Variants in GAK observed in about 807,000 individuals in gnomAD.
GAK encodes the protein cyclin-G-associated kinase.
In GAK, 79 loss-of-function variants were observed where a neutral mutation model predicts 143.9. That is an observed-to-expected ratio of 0.55 (90% CI 0.46 to 0.66). The LOEUF (loss-of-function observed/expected upper bound fraction) is 0.66. Among genes scored for constraint, GAK ranks in the 30% least tolerant of loss-of-function variants. The pLI, the probability that GAK is intolerant of heterozygous loss-of-function variation, is 0.00. For synonymous variants in GAK, 881 were observed against 765.5 expected (o/e 1.15, Z -2.49); for missense variants, 1,693 against 1,779.7 (o/e 0.95, Z 0.88).
intron 8 of GAK, 126 bp downstream of exon 8, chr4:893,748 A>T: frequency 8.2e-7 from 1 of 1,213,744 alleles, no homozygotes; most frequent in East Asian, 2.8e-5. Context: ...GGATGTTGTC[A>T]AAACTATGGT....
At chr4:887,141 A>C (rs1293290834) in intron 11 of GAK, 1 of 151,408 alleles carries the variant, frequency 6.6e-6, no homozygotes, top group Non-Finnish European at 1.5e-5. Context: ...GCTCACACAC[A>C]TGCGTACACA....
At chr4:878,978 C>T (rs906500609) in intron 15 of GAK, among the ~76,000 whole-genome samples, 4 of 152,206 alleles carry the variant, frequency 2.6e-5, no homozygotes, top group African/African-American at 9.6e-5. Flanking sequence ...GGTCCTTCAG[C>T]CACAACAAAT....
At position 890,577 on chromosome 4, in the gene GAK, C is replaced by T. The variant is rs760654555; in HGVS notation, c.1036G>A (p.Gly346Arg). The change falls in exon 10 of 28, where the codon GGG becomes AGG. Residue 346 changes from glycine (G) to arginine (R), a missense_variant. By Grantham distance (125) the Gly-to-Arg change is moderately radical. Transcript: ENST00000314167. ...GGYGSATLSRGPPPPVGPAGS... is the reference protein window; with the variant it reads ...GGYGSATLSRRPPPPVGPAGS... ...GCGGGGCCCACGGGAGGGGGTGGCC[C>T]TCGGGACAGTGTGGCGCTCCCGTAG... 6.2e-7 allele frequency: 1 copy of T among 1,611,606 alleles called. No homozygotes were observed. The highest frequency in any genetic ancestry group is 1.3e-5 in the African/African-American group (1 of 74,906).
At chr4:888,768 G>A (rs562531963) in intron 11 of GAK, 79 bp downstream of exon 11, 144 of 1,516,188 alleles carry the variant, frequency 9.5e-5, no homozygotes, top group East Asian at 5.1e-4. Context: ...CTGTTCCACC[G>A]CAGCCAGGAA....
chr4:890,264 G>T (rs1027279503), intron 10 of GAK, among the ~76,000 whole-genome samples: 9 of 152,168 alleles, frequency 5.9e-5, no homozygotes, highest in Non-Finnish European at 1.5e-5. Context: ...CCTGGGCCCT[G>T]CCCTGGAGCC....
chr4:909,862 A>G (rs1721732853), intron 4 of GAK, among the ~76,000 whole-genome samples: 1 of 152,182 alleles, frequency 6.6e-6, no homozygotes, highest in Non-Finnish European at 1.5e-5. Context: ...CAAGCGGCAC[A>G]TCCCCACAGT....
At chr4:902,897 G>A (rs946157358) in intron 5 of GAK, among the ~76,000 whole-genome samples, 1 of 152,158 alleles carries the variant, frequency 6.6e-6, no homozygotes, top group Non-Finnish European at 1.5e-5. Context: ...GTTTACTGAA[G>A]AGCAAGACCC....
chr4:907,249 GA>G (rs1176750731), intron 4 of GAK, among the ~76,000 whole-genome samples: 3 of 152,316 alleles, frequency 2.0e-5, no homozygotes, highest in African/African-American at 7.2e-5. Flanking sequence ...GCACCCAGCT[GA>G]GGGGCCCTCC....
At chr4:898,247 G>T in intron 5 of GAK, 89 bp from the exon 6 acceptor site, 1 of 1,497,304 alleles carries the variant, frequency 6.7e-7, no homozygotes, top group Non-Finnish European at 9.2e-7. Flanking sequence ...ACACAGCCAG[G>T]GCCCTTCGCA....
At position 867,110 on chromosome 4, in the gene GAK, G is replaced by C. The variant is rs778823149; in HGVS notation, c.2718C>G (p.Ser906Arg). 5 of 1,575,368 alleles carry C rather than the reference G, an allele frequency of 3.2e-6. No individual in the cohort carries two copies. In the African/African-American group the frequency reaches 5.4e-5, roughly 17 times the overall value. Reference sequence around the variant, plus strand: ...GGAGGCAGCTGAGCAGGTCGGTGTTGCTGGAGGGGGCCTTGCAGGCCTGCG... The same window carrying C: ...GGAGGCAGCTGAGCAGGTCGGTGTTCCTGGAGGGGGCCTTGCAGGCCTGCG... ...VPPQACKAPS[S>R]NTDLLSCLLG... The change falls in exon 21 of 28, where the codon AGC (serine) becomes AGG (arginine). Residue 906 changes from serine (S) to arginine (R), a missense_variant. By Grantham distance (110) the Ser-to-Arg change is moderately radical. Around this residue, in one of 2 missense-constraint regions of GAK, gnomAD observed 822 missense variants for 788.7 expected, o/e 1.04. Transcript: ENST00000314167.
At chr4:914,644 G>A (rs1396955856) in intron 1 of GAK, among the ~76,000 whole-genome samples, 5 of 84,016 alleles carry the variant, frequency 6.0e-5, no homozygotes, top group Admixed American at 1.5e-4. Context: ...GCCCTAGCGT[G>A]CACGGCCCCA....
At chr4:881,853 A>T (rs1188274006) in intron 15 of GAK, 54 bp downstream of exon 15, 1 of 1,515,054 alleles carries the variant, frequency 6.6e-7, no homozygotes, top group Non-Finnish European at 8.9e-7. Context: ...CGGGGGCGGC[A>T]GTGCCACACG....
intron 1 of GAK, among the ~76,000 whole-genome samples, chr4:929,875 C>G (rs1725394286): frequency 6.6e-6 from 1 of 152,168 alleles, no homozygotes; most frequent in Non-Finnish European, 1.5e-5. Flanking sequence ...GGGATAAAAC[C>G]TGACATGAAC....
chr4:927,969 C>T (rs1304398630), intron 1 of GAK, among the ~76,000 whole-genome samples: 1 of 152,202 alleles, frequency 6.6e-6, no homozygotes. Flanking sequence ...GCCAAGAGAA[C>T]AGCACGGAGC....
intron 5 of GAK, among the ~76,000 whole-genome samples, chr4:898,605 T>A (rs1204942529): frequency 6.6e-6 from 1 of 152,258 alleles, no homozygotes; most frequent in Non-Finnish European, 1.5e-5. Context: ...CTCACGCCTG[T>A]AATCCCAGCA....
intron 6 of GAK, among the ~76,000 whole-genome samples, chr4:897,585 C>T (rs1204225871): frequency 6.6e-6 from 1 of 152,200 alleles, no homozygotes; most frequent in Non-Finnish European, 1.5e-5. Flanking sequence ...GAAGGAGGGG[C>T]TGTGAGAGGG....
intron 1 of GAK, among the ~76,000 whole-genome samples, chr4:928,676 G>A (rs1454601888): frequency 6.6e-6 from 1 of 152,232 alleles, no homozygotes; most frequent in Non-Finnish European, 1.5e-5. Context: ...GCAACCAAGA[G>A]TCTTGCTTGT....
intron 1 of GAK, among the ~76,000 whole-genome samples, chr4:931,369 T>G (rs1041677673): frequency 6.6e-6 from 1 of 152,036 alleles, no homozygotes; most frequent in Admixed American, 6.6e-5. Context: ...ACTGAGGTGT[T>G]GAAAGACGAA....
At chr4:913,070 AGC>A (rs969686302) in intron 2 of GAK, among the ~76,000 whole-genome samples, 1 of 152,234 alleles carries the variant, frequency 6.6e-6, no homozygotes, top group Non-Finnish European at 1.5e-5. Context: ...AAGAAGGAAG[AGC>A]GGCAATGCTC....
Sources: allele counts gnomAD v4.1 joint callset (sites outside exome capture counted in the v4.1 genomes callset), GRCh38; gene constraint gnomAD v4.1.1; regional missense constraint gnomAD v4.1.1; transcripts MANE v1.5; gene names NCBI Gene and HGNC (gene_info 2026-07-23, HGNC 2026-07-21).